The following FHIT variants were observed in gnomAD, a reference collection of about 807,000 sequenced individuals.
The protein encoded by FHIT is fragile histidine triad diadenosine triphosphatase.
In FHIT, 19 loss-of-function variants were observed where a neutral mutation model predicts 17.9. The observed-to-expected ratio is 1.06, with a 90% CI of 0.74 to 1.56. The LOEUF (loss-of-function observed/expected upper bound fraction) is 1.56. FHIT is among the 40% of genes most tolerant of loss of function. FHIT has a pLI of 0.00. For missense variants in FHIT, 248 were observed against 189.2 expected (o/e 1.31, Z -1.82); for synonymous variants, 81 against 69.7 (o/e 1.16, Z -0.81).
intron 5 of FHIT, among the ~76,000 whole-genome samples, chr3:60,118,013 G>A (rs564303236): frequency 6.6e-6 from 1 of 152,294 alleles, no homozygotes; most frequent in South Asian, 2.1e-4. Context: ...AAATGCTGAT[G>A]ATCCAAGCGG....
At chr3:61,086,418 C>G (rs1001745047) in intron 2 of FHIT, among the ~76,000 whole-genome samples, 2 of 152,182 alleles carry the variant, frequency 1.3e-5, no homozygotes, top group African/African-American at 4.8e-5. Context: ...TTTGTCATGA[C>G]ATATATTGTT....
At chr3:61,131,431 C>T (rs1466573088) in intron 2 of FHIT, among the ~76,000 whole-genome samples, 1 of 152,240 alleles carries the variant, frequency 6.6e-6, no homozygotes, top group African/African-American at 2.4e-5. Flanking sequence ...TCTCCTTCCT[C>T]AGCACACTCA....
rs137864119 is a variant in FHIT at position 60,564,613 on chromosome 3, T to C, written c.-17-27634A>G. Among the ~76,000 whole-genome samples, 817 of 152,182 alleles carry C rather than the reference T, an allele frequency of 5.4e-3. 5 individuals carry two copies. The highest frequency in any genetic ancestry group is 0.019 in the African/African-American group (785 of 41,512). ...AGAAGTTGATTCCAGCCCTCATGGA[T>C]GACTTTGAGGGGTTCAAGACATCAG... On this transcript the variant is annotated intron_variant, in intron 4 of 9. Transcript: ENST00000492590.
At position 60,205,532 on chromosome 3, in the gene FHIT, T is replaced by G. The variant is rs548539763; in HGVS notation, c.104-191380A>C. 9.9e-5 allele frequency among the ~76,000 whole-genome samples: 15 copies of G among 152,202 alleles called. No homozygotes were observed. The East Asian group carries it at 2.9e-3, about 29-fold the overall frequency. On this transcript the variant is annotated intron_variant, in intron 5 of 9. Coordinates refer to ENST00000492590, the MANE Select transcript of FHIT (RefSeq NM_002012.4). ...GGATAGAGCCACCTAAAAAGCAGTA[T>G]TTGAGCAAAGGAGTTGGGGAGTTCA...
chr3:61,101,547 T>C (rs2035829028), intron 2 of FHIT, among the ~76,000 whole-genome samples: 1 of 152,136 alleles, frequency 6.6e-6, no homozygotes, highest in African/African-American at 2.4e-5. Flanking sequence ...TGCAGGCTCT[T>C]TTTTGGTTCC....
At chr3:60,173,246 A>G (rs1345717558) in intron 5 of FHIT, among the ~76,000 whole-genome samples, 1 of 152,168 alleles carries the variant, frequency 6.6e-6, no homozygotes, top group Non-Finnish European at 1.5e-5. Context: ...CCAGACTGGT[A>G]TCTTAGGGTC....
chr3:60,174,104 G>C (rs1701559529), intron 5 of FHIT, among the ~76,000 whole-genome samples: 1 of 150,866 alleles, frequency 6.6e-6, no homozygotes, highest in South Asian at 2.1e-4. Flanking sequence ...AGTAGAGACA[G>C]TTTCACCATG....
intron 1 of FHIT, among the ~76,000 whole-genome samples, chr3:61,203,114 G>A (rs544843517): frequency 6.7e-6 from 1 of 148,886 alleles, no homozygotes; most frequent in African/African-American, 2.5e-5. Context: ...TGGGAGGCGG[G>A]GCTTGCAGTG....
At chr3:60,759,804 A>G (rs1226735875) in intron 4 of FHIT, among the ~76,000 whole-genome samples, 5 of 152,186 alleles carry the variant, frequency 3.3e-5, no homozygotes, top group African/African-American at 9.7e-5. Flanking sequence ...GTGGGGATGA[A>G]AGTGGGATGG....
In FHIT at chr3:60,615,180, C is replaced by T. The variant is rs1576975839; in HGVS notation, c.-17-78201G>A. On this transcript the variant is annotated intron_variant, in intron 4 of 9. Coordinates refer to ENST00000492590, the MANE Select transcript of FHIT (RefSeq NM_002012.4). ...AACAGGGAGCAACTATTGGCATTTC[C>T]ATACAGCAATCTACTATCTGGGGAT... Among the ~76,000 whole-genome samples the T allele has an allele frequency of 3.9e-5, 6 of 152,212 alleles. 1 individual carries two copies. In the South Asian group the frequency reaches 1.2e-3, roughly 32 times the overall value.
chr3:60,566,010 T>C (rs913289629), intron 4 of FHIT, among the ~76,000 whole-genome samples: 4 of 152,178 alleles, frequency 2.6e-5, no homozygotes, highest in Non-Finnish European at 4.4e-5. Flanking sequence ...GCCTTCATTT[T>C]TTTATGTACC....
intron 1 of FHIT, among the ~76,000 whole-genome samples, chr3:61,239,321 C>T (rs531703130): frequency 2.0e-5 from 3 of 152,300 alleles, no homozygotes; most frequent in South Asian, 2.1e-4. Flanking sequence ...CTCCCTTTCC[C>T]TCTCTATGGT....
rs1222294983 is a variant in FHIT, at chr3:59,752,233, AAGTAGACCCGCAGAGCTGCG to A, written c.417_436del (p.Ala140SerfsTer10). 6.2e-7 allele frequency: 1 copy of A among 1,612,342 alleles called. No homozygotes were observed. The highest frequency in any genetic ancestry group is 1.3e-5 in the African/African-American group (1 of 74,914). Reference sequence around the variant, plus strand: ...ATGCAGTCTTTACCTGTGTCACTGAAAGTAGACCCGCAGAGCTGCGGCTTCTGCTGCCATTTCCTCCTCTG... The same window carrying A: ...ATGCAGTCTTTACCTGTGTCACTGAAGCTTCTGCTGCCATTTCCTCCTCTG... On this transcript the variant is annotated frameshift_variant, in exon 9 of 10. Transcript: ENST00000492590. LOFTEE classifies it high-confidence loss of function.
intron 5 of FHIT, among the ~76,000 whole-genome samples, chr3:60,235,798 T>C (rs765032150): frequency 1.1e-4 from 17 of 152,142 alleles, no homozygotes; most frequent in Admixed American, 2.6e-4. Flanking sequence ...AGGTTAGTTC[T>C]CACAGGAAGG....
chr3:61,215,373 A>G (rs1448479091), intron 1 of FHIT, among the ~76,000 whole-genome samples: 1 of 152,186 alleles, frequency 6.6e-6, no homozygotes, highest in African/African-American at 2.4e-5. Context: ...AATAACAGAC[A>G]AACAGAAAGC....
intron 3 of FHIT, among the ~76,000 whole-genome samples, chr3:60,856,224 T>C (rs1553749953): frequency 2.0e-5 from 3 of 151,906 alleles, no homozygotes; most frequent in Admixed American, 6.6e-5. Context: ...AGCCCTGACA[T>C]ACGTCTTCAA....
chr3:61,111,887 G>A (rs938809593), intron 2 of FHIT, among the ~76,000 whole-genome samples: 1 of 152,208 alleles, frequency 6.6e-6, no homozygotes, highest in Non-Finnish European at 1.5e-5. Flanking sequence ...GCAGAAGTCA[G>A]AAACTGAGTC....
intron 2 of FHIT, among the ~76,000 whole-genome samples, chr3:61,042,670 C>T (rs1455918554): frequency 1.3e-5 from 2 of 151,916 alleles, no homozygotes; most frequent in Non-Finnish European, 2.9e-5. Flanking sequence ...GAAACCCTGT[C>T]TCTACTAAAA....
At chr3:59,866,064 C>T (rs1702633411) in intron 8 of FHIT, among the ~76,000 whole-genome samples, 1 of 152,108 alleles carries the variant, frequency 6.6e-6, no homozygotes. Flanking sequence ...ACAATAAACC[C>T]CTGAATAAAT....
Sources: gnomAD v4.1 joint callset for allele counts (sites outside exome capture counted in the v4.1 genomes callset) on GRCh38, gnomAD v4.1.1 for gene constraint, MANE v1.5 for transcripts, NCBI Gene and HGNC (gene_info 2026-07-23, HGNC 2026-07-21) for gene names.